GALNT17: variants seen among roughly 807,000 people sequenced by gnomAD.
GALNT17 encodes the protein polypeptide N-acetylgalactosaminyltransferase 17.
GALNT17 carries 29 observed loss-of-function variants against 63.7 expected under a neutral mutation model. The ratio of observed to expected loss-of-function variants is 0.46; its 90% confidence interval spans 0.34 to 0.62. GALNT17 has a LOEUF of 0.62. Ranked by LOEUF, GALNT17 falls within the 20% of genes least tolerant of loss-of-function variation. GALNT17 has a pLI of 0.01. For missense variants in GALNT17, 603 were observed against 799.6 expected (o/e 0.75, Z 2.97); for synonymous variants, 305 against 318.3 (o/e 0.96, Z 0.45).
intron 5 of GALNT17, among the ~76,000 whole-genome samples, chr7:71,451,904 G>GTTTT (rs1303033441): frequency 6.6e-6 from 1 of 151,154 alleles, no homozygotes; most frequent in Non-Finnish European, 1.5e-5. Flanking sequence ...TTGTTTGTTT[G>GTTTT]TTTTTTTAAG....
rs188995648 is a variant in GALNT17 at position 71,549,650 on chromosome 7, G to A, written c.963-21635G>A. ...GACTTCATGTAAGTTTCATTATACC[G>A]AAAGAGTAATTGTTTTTTTCTCCTT... is the stretch of plus-strand genomic sequence containing the variant. On this transcript the variant is annotated intron_variant, in intron 5 of 10. Coordinates refer to ENST00000333538, the MANE Select transcript of GALNT17 (RefSeq NM_022479.3). Among the ~76,000 whole-genome samples the A allele has an allele frequency of 4.0e-3, 604 of 152,146 alleles. 6 individuals carry two copies. The highest frequency in any genetic ancestry group is 0.014 in the African/African-American group (574 of 41,512).
intron 5 of GALNT17, among the ~76,000 whole-genome samples, chr7:71,518,015 A>G (rs1237266003): frequency 2.0e-5 from 3 of 152,288 alleles, no homozygotes; most frequent in African/African-American, 7.2e-5. Flanking sequence ...GGGAGACAGC[A>G]TATGTCCCTG....
At chr7:71,662,125 G>C (rs1014387604) in intron 6 of GALNT17, among the ~76,000 whole-genome samples, 2 of 152,084 alleles carry the variant, frequency 1.3e-5, no homozygotes, top group Non-Finnish European at 2.9e-5. Context: ...AGTCAGACTG[G>C]CTTGTGGGTT....
intron 1 of GALNT17, among the ~76,000 whole-genome samples, chr7:71,250,242 A>G (rs1790171906): frequency 6.6e-6 from 1 of 152,170 alleles, no homozygotes; most frequent in Admixed American, 6.5e-5. Context: ...TATGGATGCC[A>G]TAGGCTCTTG....
intron 1 of GALNT17, among the ~76,000 whole-genome samples, chr7:71,163,169 TC>T (rs1788378956): frequency 6.6e-6 from 1 of 152,176 alleles, no homozygotes; most frequent in Non-Finnish European, 1.5e-5. Flanking sequence ...GATTTTCCAA[TC>T]TGATCAATTA....
chr7:71,600,300 A>T (rs1032920160), intron 6 of GALNT17, among the ~76,000 whole-genome samples: 4 of 138,882 alleles, frequency 2.9e-5, no homozygotes, highest in African/African-American at 6.4e-5. Flanking sequence ...GGATGATAAT[A>T]AAAAAAAAAT....
intron 1 of GALNT17, among the ~76,000 whole-genome samples, chr7:71,151,640 A>AT (rs996724727): frequency 6.6e-6 from 1 of 151,708 alleles, no homozygotes; most frequent in Non-Finnish European, 1.5e-5. Context: ...AAAGAAAAAA[A>AT]AAAAAAAGAA....
chr7:71,674,364 G>GAGAT (rs1434936849), intron 8 of GALNT17, among the ~76,000 whole-genome samples: 1 of 146,126 alleles, frequency 6.8e-6, no homozygotes. Flanking sequence ...AAAAAAAAAA[G>GAGAT]AGATAGGGTC....
chr7:71,164,521 A>G (rs1203379317), intron 1 of GALNT17, among the ~76,000 whole-genome samples: 2 of 152,220 alleles, frequency 1.3e-5, no homozygotes, highest in Admixed American at 6.5e-5. Context: ...CACAGAGCCA[A>G]ACTATATCAT....
chr7:71,534,005 G>A lies in GALNT17; in HGVS notation c.963-37280G>A, dbSNP rs528810050. On this transcript the variant is annotated intron_variant, in intron 5 of 10. Coordinates refer to ENST00000333538, the MANE Select transcript of GALNT17 (RefSeq NM_022479.3). ...GATTAACAGGCAGTTGTCCAGATGCGGTAATCTGGTAAGTTTCAATTCCCT... is the reference window on the plus strand; with the variant it reads ...GATTAACAGGCAGTTGTCCAGATGCAGTAATCTGGTAAGTTTCAATTCCCT... 4.3e-4 allele frequency among the ~76,000 whole-genome samples: 66 copies of A among 152,240 alleles called. No individual in the cohort carries two copies. The Middle Eastern group carries it at 0.014, about 31-fold the overall frequency.
At chr7:71,478,428 C>A (rs150851834) in intron 5 of GALNT17, among the ~76,000 whole-genome samples, 1 of 152,258 alleles carries the variant, frequency 6.6e-6, no homozygotes, top group East Asian at 1.9e-4. Flanking sequence ...ATCCTCCCCC[C>A]TCAGCCTCCC....
intron 6 of GALNT17, among the ~76,000 whole-genome samples, chr7:71,648,096 C>G (rs1239393852): frequency 6.6e-6 from 1 of 152,212 alleles, no homozygotes; most frequent in East Asian, 1.9e-4. Flanking sequence ...GAGGTGGTGG[C>G]ACCGCTACCA....
At chr7:71,513,933 G>A (rs749891763) in intron 5 of GALNT17, among the ~76,000 whole-genome samples, 12 of 152,010 alleles carry the variant, frequency 7.9e-5, no homozygotes, top group East Asian at 5.8e-4. Context: ...GGCTTATGCC[G>A]GTCATCCCAG....
intron 5 of GALNT17, among the ~76,000 whole-genome samples, chr7:71,464,147 A>T (rs1325164931): frequency 6.6e-6 from 1 of 152,198 alleles, no homozygotes; most frequent in Non-Finnish European, 1.5e-5. Context: ...TGGGTGGAAG[A>T]CTACTAATAA....
chr7:71,357,169 C>G (rs1308043568), intron 2 of GALNT17, among the ~76,000 whole-genome samples: 1 of 152,090 alleles, frequency 6.6e-6, no homozygotes, highest in Non-Finnish European at 1.5e-5. Flanking sequence ...TTAGGGACCC[C>G]CAACCCACAG....
At chr7:71,640,099 A>T (rs949893013) in intron 6 of GALNT17, among the ~76,000 whole-genome samples, 1 of 152,264 alleles carries the variant, frequency 6.6e-6, no homozygotes, top group East Asian at 1.9e-4. Flanking sequence ...TAAGATTTGC[A>T]TGAGTGTGAT....
At chr7:71,304,191 CTTCA>C (rs1389861807) in intron 1 of GALNT17, among the ~76,000 whole-genome samples, 1 of 152,304 alleles carries the variant, frequency 6.6e-6, no homozygotes, top group Non-Finnish European at 1.5e-5. Context: ...AATGAGCAGT[CTTCA>C]TTCATTCAAT....
chr7:71,479,080 A>G (rs1465684190), intron 5 of GALNT17, among the ~76,000 whole-genome samples: 4 of 152,128 alleles, frequency 2.6e-5, no homozygotes, highest in African/African-American at 9.6e-5. Context: ...ACAAACCTTC[A>G]CTGCTCCCAC....
chr7:71,514,372 G>A (rs945882919), intron 5 of GALNT17, among the ~76,000 whole-genome samples: 6 of 152,080 alleles, frequency 3.9e-5, no homozygotes, highest in Non-Finnish European at 8.8e-5. Context: ...CCAGGTGAAA[G>A]GTAAATGAAC....
Sources: gnomAD v4.1 joint callset for allele counts (sites outside exome capture counted in the v4.1 genomes callset) on GRCh38, gnomAD v4.1.1 for gene constraint, MANE v1.5 for transcripts, NCBI Gene and HGNC (gene_info 2026-07-23, HGNC 2026-07-21) for gene names.